ADSS2: variants seen among roughly 807,000 people sequenced by gnomAD.
ADSS2 encodes the protein adenylosuccinate synthase 2.
In ADSS2, 30 loss-of-function variants were observed where a neutral mutation model predicts 60.0. The observed-to-expected ratio is 0.50, with a 90% CI of 0.37 to 0.68. The LOEUF (loss-of-function observed/expected upper bound fraction) is 0.68. ADSS2 is among the 30% of genes least tolerant of loss of function. ADSS2 has a pLI of 0.00. For missense variants in ADSS2, 373 were observed against 554.8 expected (o/e 0.67, Z 3.29); for synonymous variants, 187 against 193.1 (o/e 0.97, Z 0.26).
intron 1 of ADSS2, among the ~76,000 whole-genome samples, chr1:244,446,436 G>T (rs1462447644): frequency 3.3e-5 from 5 of 151,972 alleles, no homozygotes; most frequent in African/African-American, 9.7e-5. Flanking sequence ...AAATACACAG[G>T]GTATCTGAAT....
chr1:244,442,150 T>C (rs750584579), intron 1 of ADSS2, among the ~76,000 whole-genome samples: 3 of 152,174 alleles, frequency 2.0e-5, no homozygotes, highest in Admixed American at 6.5e-5. Context: ...AATGTTCTTA[T>C]TGTGTAACAA....
chr1:244,446,457 C>T (rs908376453), intron 1 of ADSS2, among the ~76,000 whole-genome samples: 4 of 152,146 alleles, frequency 2.6e-5, no homozygotes. Context: ...TTCTTTCTAG[C>T]AAAGATATCC....
intron 10 of ADSS2, among the ~76,000 whole-genome samples, chr1:244,417,244 T>A (rs1664554448): frequency 6.6e-6 from 1 of 152,174 alleles, no homozygotes; most frequent in Non-Finnish European, 1.5e-5. Context: ...TGCACAGATC[T>A]GAGATCTGAA....
intron 1 of ADSS2, among the ~76,000 whole-genome samples, chr1:244,448,851 C>T (rs1665460474): frequency 1.3e-5 from 2 of 152,122 alleles, no homozygotes; most frequent in African/African-American, 4.8e-5. Context: ...AGTTGTCCCC[C>T]AGATTGTGAG....
intron 11 of ADSS2, among the ~76,000 whole-genome samples, chr1:244,412,649 C>T (rs77227060): frequency 0.015 from 2,309 of 152,244 alleles, 63 homozygotes; most frequent in African/African-American, 0.053. Context: ...CAGAAAAAGA[C>T]AATGATTAAG....
chr1:244,422,457 C>G (rs1374841765), intron 7 of ADSS2, among the ~76,000 whole-genome samples: 1 of 152,192 alleles, frequency 6.6e-6, no homozygotes, highest in Non-Finnish European at 1.5e-5. Context: ...TGGTTAGCCT[C>G]AAAAGTTCTC....
intron 10 of ADSS2, among the ~76,000 whole-genome samples, chr1:244,416,409 C>A (rs1179173924): frequency 1.3e-5 from 2 of 152,192 alleles, no homozygotes; most frequent in Non-Finnish European, 1.5e-5. Flanking sequence ...CCTCAACCTC[C>A]CGGGCTCAAG....
intron 3 of ADSS2, among the ~76,000 whole-genome samples, chr1:244,433,021 G>A (rs1240392773): frequency 6.6e-6 from 1 of 152,088 alleles, no homozygotes; most frequent in African/African-American, 2.4e-5. Context: ...TGGATCACTT[G>A]AGGCCAGGGG....
chr1:244,445,821 A>G (rs1285882431), intron 1 of ADSS2, among the ~76,000 whole-genome samples: 1 of 152,192 alleles, frequency 6.6e-6, no homozygotes, highest in East Asian at 1.9e-4. Flanking sequence ...AATGATCCTC[A>G]GTGTTGTAAA....
intron 6 of ADSS2, 127 bp downstream of exon 6, chr1:244,423,826 T>C (rs1664730415): frequency 1.6e-6 from 1 of 630,162 alleles, no homozygotes; most frequent in African/African-American, 1.9e-5. Context: ...ACTTTAATAT[T>C]TCAAACCTAA....
At chr1:244,431,162 T>C (rs1339823708) in intron 4 of ADSS2, among the ~76,000 whole-genome samples, 1 of 152,144 alleles carries the variant, frequency 6.6e-6, no homozygotes. Context: ...TCCTATATTA[T>C]AGCACAATAG....
chr1:244,420,499 T>TA (rs11434001), intron 7 of ADSS2, among the ~76,000 whole-genome samples: 128,545 of 152,062 alleles, frequency 0.85, 54,743 homozygotes, highest in African/African-American at 0.93. Context: ...AAAAGAGCAT[T>TA]GCTCAACAAA....
At chr1:244,443,847 G>A (rs767968755) in intron 1 of ADSS2, among the ~76,000 whole-genome samples, 3 of 152,134 alleles carry the variant, frequency 2.0e-5, no homozygotes, top group African/African-American at 7.2e-5. Context: ...TGGCGGAGCG[G>A]CTCTCCAGCC....
At chr1:244,413,682 G>A (rs1416990069) in intron 11 of ADSS2, among the ~76,000 whole-genome samples, 1 of 152,174 alleles carries the variant, frequency 6.6e-6, no homozygotes, top group Admixed American at 6.5e-5. Flanking sequence ...AAGGCTACAG[G>A]AGGACGCCAC....
intron 7 of ADSS2, among the ~76,000 whole-genome samples, chr1:244,422,025 T>C (rs145432780): frequency 7.9e-5 from 12 of 152,170 alleles, no homozygotes; most frequent in African/African-American, 2.9e-4. Context: ...AAAAAGAAAA[T>C]GGCAGTCTAT....
chr1:244,422,404 G>A (rs981772711), intron 7 of ADSS2, among the ~76,000 whole-genome samples: 2 of 152,234 alleles, frequency 1.3e-5, no homozygotes, highest in Admixed American at 6.5e-5. Context: ...AGAGTGCAGT[G>A]CTAAAGAATC....
rs1345932507 is a variant in ADSS2 at position 244,451,746 on chromosome 1, C to G, written c.72G>C (p.Arg24=). ...PNGDCGRPRA[R]PGGNRVTVVL... is the part of the protein sequence containing the mutation. ...CCACCGTCACCCGGTTTCCTCCGGG[C>G]CGCGCCCTGGGGCGGCCGCAATCGC... Residue 24 remains arginine (R), a synonymous_variant, in exon 1 of 13, where the codon CGG becomes CGC. Transcript: ENST00000366535. The surrounding 1 kb of genome is among the most constrained non-coding windows in gnomAD (Gnocchi z 6.6). 2 of 1,604,834 alleles carry G rather than the reference C, an allele frequency of 1.2e-6. No individual in the cohort carries two copies. Among genetic ancestry groups the G allele is most frequent in the Non-Finnish European group, 1.7e-6 (2 of 1,176,200 alleles).
intron 5 of ADSS2, 76 bp downstream of exon 5, chr1:244,424,245 A>C (rs535859204): frequency 5.0e-5 from 72 of 1,430,356 alleles, no homozygotes; most frequent in Middle Eastern, 1.8e-4. Context: ...TTTTTCTTAA[A>C]CTTCTGGTCT....
chr1:244,448,260 G>C (rs12024108), intron 1 of ADSS2, among the ~76,000 whole-genome samples: 10,139 of 152,156 alleles, frequency 0.067, 784 homozygotes, highest in East Asian at 0.42. Flanking sequence ...CTATTTCAAG[G>C]AGAAAGTTTT....
Sources: allele counts gnomAD v4.1 joint callset (sites outside exome capture counted in the v4.1 genomes callset), GRCh38; gene constraint gnomAD v4.1.1; non-coding constraint Gnocchi (gnomAD v3.1); transcripts MANE v1.5; gene names NCBI Gene and HGNC (gene_info 2026-07-23, HGNC 2026-07-21).